PPP2R2B: variants seen among roughly 807,000 people sequenced by gnomAD.
PPP2R2B encodes the protein serine/threonine-protein phosphatase 2A 55 kDa regulatory subunit B beta isoform.
A neutral mutation model predicts 46.0 loss-of-function variants in PPP2R2B; 5 were observed. The ratio of observed to expected loss-of-function variants is 0.11; its 90% confidence interval spans 0.06 to 0.23. PPP2R2B has a LOEUF of 0.23. Ranked by LOEUF, PPP2R2B falls within the 10% of genes least tolerant of loss-of-function variation. The pLI is 1.00. For missense variants in PPP2R2B, 367 were observed against 575.0 expected, an observed-to-expected ratio of 0.64 and a Z score of 3.70; for synonymous variants, 215 against 206.7, an observed-to-expected ratio of 1.04 and a Z score of -0.34.
At chr5:146,690,382 A>C (rs1778775401) in intron 5 of PPP2R2B, among the ~76,000 whole-genome samples, 1 of 152,208 alleles carries the variant, frequency 6.6e-6, no homozygotes, top group South Asian at 2.1e-4. Context: ...AACCACAGCT[A>C]ATTTTTTCCT....
rs145714056 is a variant in PPP2R2B, at chr5:146,620,499, A to G, written c.790+17752T>C. Among the ~76,000 whole-genome samples the G allele has an allele frequency of 1.3e-3, 196 of 152,306 alleles. 1 individual carries two copies. The highest frequency in any genetic ancestry group is 4.3e-3 in the African/African-American group (180 of 41,554). On this transcript the variant is annotated intron_variant, in intron 7 of 9. Coordinates refer to ENST00000394411, the MANE Select transcript of PPP2R2B (RefSeq NM_181675.4). The stretch of plus-strand genomic sequence containing the variant: ...CAGTGAGCATCTCGACAGGAGCCTA[A>G]TGAAGAAATCTGGTAACAGCGAGGG...
At chr5:146,630,246 T>C (rs1170594946) in intron 7 of PPP2R2B, among the ~76,000 whole-genome samples, 2 of 152,230 alleles carry the variant, frequency 1.3e-5, no homozygotes, top group Non-Finnish European at 2.9e-5. Context: ...TCTCTTTGGA[T>C]CCGTCTGATA....
intron 9 of PPP2R2B, among the ~76,000 whole-genome samples, chr5:146,591,262 A>C (rs1770620799): frequency 6.6e-6 from 1 of 152,136 alleles, no homozygotes; most frequent in Non-Finnish European, 1.5e-5. Flanking sequence ...GGTGAAGGAA[A>C]AAGCTGACAA....
At chr5:146,744,849 G>C (rs1414387190) in intron 2 of PPP2R2B, among the ~76,000 whole-genome samples, 2 of 152,130 alleles carry the variant, frequency 1.3e-5, no homozygotes, top group Non-Finnish European at 2.9e-5. Flanking sequence ...TACTTTCATG[G>C]TCATTCACAG....
intron 1 of PPP2R2B, among the ~76,000 whole-genome samples, chr5:147,042,796 CAGGA>C (rs1327438588): frequency 6.6e-6 from 1 of 151,910 alleles, no homozygotes; most frequent in Non-Finnish European, 1.5e-5. Flanking sequence ...ACAAAGTAGG[CAGGA>C]AGGTTTGTAT....
intron 2 of PPP2R2B, among the ~76,000 whole-genome samples, chr5:146,721,279 T>A (rs1297293682): frequency 6.6e-6 from 1 of 152,240 alleles, no homozygotes; most frequent in African/African-American, 2.4e-5. Flanking sequence ...ATGTTTCTAA[T>A]GAATTTAGAA....
intron 8 of PPP2R2B, among the ~76,000 whole-genome samples, 156 bp downstream of exon 8, chr5:146,600,135 A>G (rs570433076): frequency 1.3e-5 from 2 of 152,194 alleles, no homozygotes; most frequent in Non-Finnish European, 2.9e-5. Flanking sequence ...CGTTATCTTA[A>G]ATCCTGTGGC....
intron 4 of PPP2R2B, among the ~76,000 whole-genome samples, chr5:146,692,803 G>T (rs1004655817): frequency 1.6e-4 from 25 of 152,166 alleles, no homozygotes; most frequent in African/African-American, 6.0e-4. Flanking sequence ...CAAAGTGCTG[G>T]GATTACAGGC....
chr5:147,049,553 C>T (rs543488990), intron 1 of PPP2R2B, among the ~76,000 whole-genome samples: 9 of 152,164 alleles, frequency 5.9e-5, no homozygotes, highest in Admixed American at 3.3e-4. Flanking sequence ...AGATCACTTA[C>T]GAGCAAGTAT....
intron 1 of PPP2R2B, among the ~76,000 whole-genome samples, chr5:146,888,062 T>C (rs1272758382): frequency 6.6e-6 from 1 of 152,180 alleles, no homozygotes; most frequent in Non-Finnish European, 1.5e-5. Flanking sequence ...TTTATTCTCC[T>C]ACTGCCTCAG....
chr5:146,664,846 C>T (rs1776880254), intron 5 of PPP2R2B, among the ~76,000 whole-genome samples: 1 of 152,170 alleles, frequency 6.6e-6, no homozygotes, highest in South Asian at 2.1e-4. Flanking sequence ...ATGTTGTTAG[C>T]AGGCCGGAAA....
intron 2 of PPP2R2B, among the ~76,000 whole-genome samples, chr5:146,858,707 T>C (rs1760813821): frequency 6.6e-6 from 1 of 152,156 alleles, no homozygotes; most frequent in African/African-American, 2.4e-5. Context: ...AAATGGTAGA[T>C]ATCTGTGAGT....
chr5:147,002,320 A>G (rs1202501774), intron 1 of PPP2R2B, among the ~76,000 whole-genome samples: 1 of 152,126 alleles, frequency 6.6e-6, no homozygotes, highest in Non-Finnish European at 1.5e-5. Flanking sequence ...GCTACTCCTG[A>G]AGCTAGGATA....
intron 2 of PPP2R2B, among the ~76,000 whole-genome samples, chr5:146,765,535 T>C (rs1372287278): frequency 6.6e-6 from 1 of 152,204 alleles, no homozygotes. Flanking sequence ...GCATCTGACT[T>C]ATTATTGGTA....
At chr5:146,912,569 A>G (rs1412113080) in intron 1 of PPP2R2B, among the ~76,000 whole-genome samples, 1 of 149,572 alleles carries the variant, frequency 6.7e-6, no homozygotes, top group Non-Finnish European at 1.5e-5. Flanking sequence ...GCTGGAGTGC[A>G]GTGGCACGAT....
chr5:146,878,212 G>C lies in PPP2R2B; in HGVS notation c.-124-17C>G, dbSNP rs771160580. 6.5e-7 allele frequency: 1 copy of C among 1,546,932 alleles called. No individual in the cohort carries two copies. Among genetic ancestry groups the C allele is most frequent in the Non-Finnish European group, 8.7e-7 (1 of 1,146,490 alleles). ...GGTCCGAGCCTGAGGAGGAGACGGGGAGGCGGAGAGAAAAAAAATAAAAAC... is the reference window on the plus strand; with the variant it reads ...GGTCCGAGCCTGAGGAGGAGACGGGCAGGCGGAGAGAAAAAAAATAAAAAC... On this transcript the variant is annotated splice_polypyrimidine_tract_variant and intron_variant, in intron 1 of 9. Coordinates refer to ENST00000394411, the MANE Select transcript of PPP2R2B (RefSeq NM_181675.4). This position sits in a 1 kb window ranked among gnomAD's most constrained non-coding sequence, Gnocchi z 4.5.
chr5:146,975,171 G>A (rs560023275), intron 1 of PPP2R2B, among the ~76,000 whole-genome samples: 4 of 152,048 alleles, frequency 2.6e-5, no homozygotes, highest in South Asian at 2.1e-4. Context: ...CCATTGCACC[G>A]ACCCCCAGCC....
chr5:146,842,695 T>C (rs553283794), intron 2 of PPP2R2B, among the ~76,000 whole-genome samples: 1 of 152,098 alleles, frequency 6.6e-6, no homozygotes, highest in Non-Finnish European at 1.5e-5. Context: ...TATGTATCCG[T>C]GTGTTCTCAT....
chr5:146,803,752 A>T (rs888067380), intron 2 of PPP2R2B, among the ~76,000 whole-genome samples: 1 of 152,202 alleles, frequency 6.6e-6, no homozygotes, highest in Non-Finnish European at 1.5e-5. Flanking sequence ...GCCATTTATA[A>T]ACTATGTGGT....
Sources: allele counts gnomAD v4.1 joint callset (sites outside exome capture counted in the v4.1 genomes callset), GRCh38; gene constraint gnomAD v4.1.1; non-coding constraint Gnocchi (gnomAD v3.1); transcripts MANE v1.5; gene names NCBI Gene and HGNC (gene_info 2026-07-23, HGNC 2026-07-21).